PAWR: variants seen among roughly 807,000 people sequenced by gnomAD.
PAWR encodes the protein pro-apoptotic WT1 regulator.
A neutral mutation model predicts 32.0 loss-of-function variants in PAWR; 23 were observed. The observed-to-expected ratio is 0.72, with a 90% CI of 0.52 to 1.02. PAWR has a LOEUF of 1.02. Ranked by LOEUF, PAWR falls within the 50% of genes least tolerant of loss-of-function variation. The probability of loss-of-function intolerance (pLI) is 0.00; values close to 1 mark genes in which losing one functional copy is unlikely to be tolerated. For synonymous variants in PAWR, 226 were observed against 187.1 expected (o/e 1.21, Z -1.70); for missense variants, 457 against 437.7 (o/e 1.04, Z -0.39).
Position 79,689,798 on chromosome 12 carries a change from C to T in PAWR, c.447G>A (p.Gly149=). 6.3e-7 allele frequency: 1 copy of T among 1,595,076 alleles called. No individual in the cohort carries two copies. Among genetic ancestry groups the T allele is most frequent in the Non-Finnish European group, 8.5e-7 (1 of 1,171,712 alleles). The change falls in exon 2 of 7, where the codon GGG becomes GGA. Residue 149 remains glycine, a synonymous_variant. Coordinates refer to ENST00000328827, the MANE Select transcript of PAWR (RefSeq NM_002583.4). The part of the protein sequence containing the change: ...SSGPSARKGK[G]QIEKRKLREK... ...CCCGCAGCTTCCTCTTCTCGATCTG[C>T]CCCTTGCCTTTCCTGGCACTGGGGC...
intron 2 of PAWR, among the ~76,000 whole-genome samples, chr12:79,623,798 CA>C (rs1236754807): frequency 6.6e-6 from 1 of 151,676 alleles, no homozygotes; most frequent in Non-Finnish European, 1.5e-5. Flanking sequence ...CATAAGATAT[CA>C]AAAAAATTAC....
At chr12:79,625,816 T>C (rs538616727) in intron 2 of PAWR, among the ~76,000 whole-genome samples, 2 of 147,322 alleles carry the variant, frequency 1.4e-5, no homozygotes, top group South Asian at 2.2e-4. Context: ...TGAGACTCTG[T>C]CTCAAAAAAA....
chr12:79,677,506 T>C (rs930833085), intron 2 of PAWR, among the ~76,000 whole-genome samples: 1 of 152,102 alleles, frequency 6.6e-6, no homozygotes, highest in East Asian at 1.9e-4. Context: ...TAAAGGCAGG[T>C]TATAAGAATG....
intron 2 of PAWR, among the ~76,000 whole-genome samples, chr12:79,625,093 T>A (rs1194401134): frequency 3.3e-5 from 5 of 152,178 alleles, no homozygotes; most frequent in Non-Finnish European, 7.3e-5. Flanking sequence ...TTTTTGCCAA[T>A]ATAATAATTG....
intron 2 of PAWR, among the ~76,000 whole-genome samples, chr12:79,642,956 T>A (rs532548639): frequency 6.6e-6 from 1 of 152,326 alleles, no homozygotes; most frequent in Non-Finnish European, 1.5e-5. Flanking sequence ...GAGACTAAAA[T>A]TAATTACTAT....
In PAWR at chr12:79,588,540, T is replaced by C. The variant is rs1480137306; in HGVS notation, c.*4067A>G. On this transcript the variant is annotated 3_prime_UTR_variant, in exon 7 of 7. Transcript: ENST00000328827. ...GATCTAAAAACAGTGGCTGAATACTTAACACAAAGAAGTACTTTTGAGTAA... is the reference window on the plus strand; with the variant it reads ...GATCTAAAAACAGTGGCTGAATACTCAACACAAAGAAGTACTTTTGAGTAA... 2 of 151,980 alleles carry C rather than the reference T, an allele frequency of 1.3e-5. No homozygotes were observed. The highest frequency in any genetic ancestry group is 2.9e-5 in the Non-Finnish European group (2 of 67,856). 9.4% of individuals were successfully genotyped at this position (151,980 alleles called of 1,614,324 possible).
At chr12:79,631,417 A>G (rs920353802) in intron 2 of PAWR, among the ~76,000 whole-genome samples, 3 of 152,246 alleles carry the variant, frequency 2.0e-5, no homozygotes, top group Non-Finnish European at 2.9e-5. Context: ...TATATAGAAT[A>G]TCTTAAGGAC....
At chr12:79,682,740 A>G (rs1020917802) in intron 2 of PAWR, among the ~76,000 whole-genome samples, 1 of 152,192 alleles carries the variant, frequency 6.6e-6, no homozygotes, top group African/African-American at 2.4e-5. Context: ...AATTCTATAC[A>G]TGTAGGTATA....
intron 2 of PAWR, among the ~76,000 whole-genome samples, chr12:79,689,248 T>G (rs1489516890): frequency 6.6e-6 from 1 of 152,212 alleles, no homozygotes; most frequent in Admixed American, 6.5e-5. Context: ...GATAAAGCTG[T>G]CTTGGATATT....
chr12:79,636,133 T>C (rs1042456814), intron 2 of PAWR, among the ~76,000 whole-genome samples: 1 of 152,164 alleles, frequency 6.6e-6, no homozygotes, highest in Admixed American at 6.6e-5. Context: ...TTAAAGGCAA[T>C]AGTTTCCTAC....
At chr12:79,631,211 A>G (rs1047649937) in intron 2 of PAWR, among the ~76,000 whole-genome samples, 1 of 152,176 alleles carries the variant, frequency 6.6e-6, no homozygotes, top group African/African-American at 2.4e-5. Context: ...ATTTAGTGGT[A>G]AAAGAAATCA....
At chr12:79,654,467 T>A (rs575677342) in intron 2 of PAWR, among the ~76,000 whole-genome samples, 3 of 151,930 alleles carry the variant, frequency 2.0e-5, no homozygotes, top group Non-Finnish European at 4.4e-5. Context: ...CTCCTTCCCA[T>A]AAATCAAACA....
chr12:79,674,742 G>A (rs1254140379), intron 2 of PAWR, among the ~76,000 whole-genome samples: 5 of 151,832 alleles, frequency 3.3e-5, no homozygotes, highest in African/African-American at 9.7e-5. Flanking sequence ...TAAAAAGCGG[G>A]CAAAGGACAT....
intron 2 of PAWR, among the ~76,000 whole-genome samples, chr12:79,634,420 G>A (rs1473861930): frequency 1.3e-5 from 2 of 152,094 alleles, no homozygotes; most frequent in Non-Finnish European, 2.9e-5. Context: ...GTACTACTAA[G>A]CACTAAAATC....
chr12:79,657,498 A>C (rs1565693352), intron 2 of PAWR, among the ~76,000 whole-genome samples: 1 of 152,122 alleles, frequency 6.6e-6, no homozygotes, highest in South Asian at 2.1e-4. Flanking sequence ...AATCCTATAT[A>C]GATTCTGAAG....
intron 3 of PAWR, among the ~76,000 whole-genome samples, chr12:79,614,377 C>T (rs762171051): frequency 1.3e-5 from 2 of 151,656 alleles, no homozygotes; most frequent in Non-Finnish European, 2.9e-5. Flanking sequence ...TACAACTTAC[C>T]GTGTGCATAT....
chr12:79,670,280 T>C (rs1877827660), intron 2 of PAWR, among the ~76,000 whole-genome samples: 1 of 152,180 alleles, frequency 6.6e-6, no homozygotes, highest in Admixed American at 6.5e-5. Context: ...AGTTACTAAA[T>C]TATAGAAAAG....
chr12:79,644,444 A>T (rs1876476243), intron 2 of PAWR, among the ~76,000 whole-genome samples: 1 of 152,164 alleles, frequency 6.6e-6, no homozygotes, highest in African/African-American at 2.4e-5. Flanking sequence ...AAAACACGTT[A>T]CTGTTGAGCC....
intron 2 of PAWR, among the ~76,000 whole-genome samples, chr12:79,672,164 C>T (rs1015486881): frequency 5.3e-5 from 8 of 152,050 alleles, no homozygotes; most frequent in Non-Finnish European, 1.0e-4. Flanking sequence ...TAGTGGTCTG[C>T]CCTCTCCTTC....
Sources: allele counts gnomAD v4.1 joint callset (sites outside exome capture counted in the v4.1 genomes callset), GRCh38; gene constraint gnomAD v4.1.1; transcripts MANE v1.5; gene names NCBI Gene and HGNC (gene_info 2026-07-23, HGNC 2026-07-21).